Variants in ZBTB8A observed in about 807,000 individuals in gnomAD.
ZBTB8A encodes zinc finger and BTB domain containing 8A, also known as zinc finger and BTB domain-containing protein 8A.
ZBTB8A carries 19 observed loss-of-function variants against 37.8 expected under a neutral mutation model. The ratio of observed to expected loss-of-function variants is 0.50; its 90% CI spans 0.35 to 0.74. The LOEUF (loss-of-function observed/expected upper bound fraction) is 0.74. ZBTB8A is among the 30% of genes least tolerant of loss of function. ZBTB8A has a pLI of 0.01. For missense variants in ZBTB8A, 394 were observed against 537.8 expected (o/e 0.73, Z 2.65); for synonymous variants, 181 against 185.2 (o/e 0.98, Z 0.19).
intron 2 of ZBTB8A, among the ~76,000 whole-genome samples, chr1:32,557,348 G>T (rs956590434): frequency 2.6e-5 from 4 of 152,078 alleles, no homozygotes; most frequent in African/African-American, 9.7e-5. Context: ...GTTTCTCTGG[G>T]ATTTTGTTTT....
At chr1:32,558,350 T>G (rs1174270865) in intron 2 of ZBTB8A, among the ~76,000 whole-genome samples, 1 of 152,024 alleles carries the variant, frequency 6.6e-6, no homozygotes, top group East Asian at 1.9e-4. Flanking sequence ...TCCCTCCTTC[T>G]TATCTACAGT....
chr1:32,595,559 C>T (rs1342952560), intron 4 of ZBTB8A, among the ~76,000 whole-genome samples: 20 of 150,088 alleles, frequency 1.3e-4, no homozygotes, highest in Admixed American at 4.0e-4. Flanking sequence ...TGAGCCACCA[C>T]GCCCGGCCTT....
chr1:32,551,032 AG>A (rs1282173414), intron 1 of ZBTB8A, among the ~76,000 whole-genome samples: 1 of 152,128 alleles, frequency 6.6e-6, no homozygotes, highest in African/African-American at 2.4e-5. Context: ...TATGCCCTTA[AG>A]TGGCAGTGTT....
chr1:32,598,398 A>G (rs1339312731), intron 4 of ZBTB8A, among the ~76,000 whole-genome samples: 2 of 151,174 alleles, frequency 1.3e-5, no homozygotes, highest in Non-Finnish European at 2.9e-5. Flanking sequence ...ATGCCCAGCT[A>G]AGTTTTGTAT....
intron 4 of ZBTB8A, among the ~76,000 whole-genome samples, chr1:32,598,447 G>C (rs1185537701): frequency 2.0e-5 from 3 of 151,600 alleles, no homozygotes; most frequent in Admixed American, 2.0e-4. Flanking sequence ...ATATTGGCCA[G>C]GCTGATCTCA....
chr1:32,568,479 C>T (rs968924681), intron 2 of ZBTB8A, among the ~76,000 whole-genome samples: 5 of 151,938 alleles, frequency 3.3e-5, no homozygotes, highest in African/African-American at 4.8e-5. Flanking sequence ...CTCCGCCTGC[C>T]GGGTTCACGC....
chr1:32,548,795 A>G (rs1041898086), intron 1 of ZBTB8A, among the ~76,000 whole-genome samples: 12 of 152,194 alleles, frequency 7.9e-5, no homozygotes, highest in Admixed American at 5.9e-4. Flanking sequence ...TGTTATAAGC[A>G]CGTTTCTTGG....
At chr1:32,571,887 T>A (rs957792301) in intron 2 of ZBTB8A, among the ~76,000 whole-genome samples, 1 of 151,850 alleles carries the variant, frequency 6.6e-6, no homozygotes, top group Non-Finnish European at 1.5e-5. Context: ...ACAAATATAA[T>A]ATTAGGTTGG....
chr1:32,562,117 G>GTTTT (rs1449753693), intron 2 of ZBTB8A, among the ~76,000 whole-genome samples: 1 of 137,204 alleles, frequency 7.3e-6, no homozygotes, highest in African/African-American at 2.8e-5. Context: ...TTTAATTTTT[G>GTTTT]TTTGTTTTTT....
chr1:32,548,699 T>A (rs1006097304), intron 1 of ZBTB8A, among the ~76,000 whole-genome samples: 2 of 152,226 alleles, frequency 1.3e-5, no homozygotes, highest in Admixed American at 1.3e-4. Flanking sequence ...TTTGTACTCA[T>A]TGAAAGCAGT....
chr1:32,549,836 A>G (rs1455197649), intron 1 of ZBTB8A, among the ~76,000 whole-genome samples: 1 of 152,198 alleles, frequency 6.6e-6, no homozygotes, highest in Non-Finnish European at 1.5e-5. Flanking sequence ...TCTTTTGACA[A>G]TCATGAAGCT....
chr1:32,550,723 C>T (rs1644145998), intron 1 of ZBTB8A, among the ~76,000 whole-genome samples: 1 of 152,118 alleles, frequency 6.6e-6, no homozygotes, highest in African/African-American at 2.4e-5. Flanking sequence ...CTTTGGGAGG[C>T]CGAGGCAGGC....
At chr1:32,559,411 G>T (rs1257085117) in intron 2 of ZBTB8A, among the ~76,000 whole-genome samples, 1 of 151,666 alleles carries the variant, frequency 6.6e-6, no homozygotes, top group African/African-American at 2.4e-5. Flanking sequence ...TTAAATGTTG[G>T]TCCCCTTCAA....
At chr1:32,572,676 C>T (rs1357501211) in intron 2 of ZBTB8A, among the ~76,000 whole-genome samples, 5 of 152,034 alleles carry the variant, frequency 3.3e-5, no homozygotes, top group Admixed American at 2.0e-4. Context: ...GGATTACAGG[C>T]ATGAACCACT....
chr1:32,575,359 T>C (rs1557710395), intron 2 of ZBTB8A, among the ~76,000 whole-genome samples: 1 of 151,320 alleles, frequency 6.6e-6, no homozygotes, highest in Non-Finnish European at 1.5e-5. Flanking sequence ...CCTGAGTAGC[T>C]GGGATTACAG....
At chr1:32,581,308 A>G (rs1458875374) in intron 2 of ZBTB8A, among the ~76,000 whole-genome samples, 1 of 117,692 alleles carries the variant, frequency 8.5e-6, no homozygotes, top group African/African-American at 3.3e-5. Context: ...ATTATATAAT[A>G]ATATATAATA....
intron 2 of ZBTB8A, among the ~76,000 whole-genome samples, chr1:32,591,498 C>T (rs1020600303): frequency 2.6e-5 from 4 of 152,018 alleles, no homozygotes; most frequent in Non-Finnish European, 5.9e-5. Context: ...GGATTATAGG[C>T]GTGAGCTACC....
chr1:32,539,788 G>A (rs1261478977), intron 1 of ZBTB8A, among the ~76,000 whole-genome samples: 1 of 1,318 alleles, frequency 7.6e-4, no homozygotes, highest in African/African-American at 3.5e-3. Context: ...CGCCGCCCGC[G>A]CCCGCCTCGC....
At chr1:32,557,021 A>G (rs1227773390) in intron 2 of ZBTB8A, among the ~76,000 whole-genome samples, 1 of 151,648 alleles carries the variant, frequency 6.6e-6, no homozygotes, top group Non-Finnish European at 1.5e-5. Context: ...AGGGGAAAAG[A>G]CCAGTTGCGG....
Sources: gnomAD v4.1 joint callset for allele counts (sites outside exome capture counted in the v4.1 genomes callset) on GRCh38, gnomAD v4.1.1 for gene constraint, MANE v1.5 for transcripts, NCBI Gene and HGNC (gene_info 2026-07-23, HGNC 2026-07-21) for gene names.